LRRC9: variants seen among roughly 807,000 people sequenced by gnomAD.
The protein encoded by LRRC9 is leucine-rich repeat-containing protein 9.
Under a neutral mutation model 63.2 loss-of-function variants are expected in LRRC9, and 122 were observed. The ratio of observed to expected loss-of-function variants is 1.93; its 90% CI spans 1.67 to 2.24. LRRC9 has a LOEUF of 2.24. LRRC9 is among the 30% of genes most tolerant of loss of function. The pLI is 0.00. For synonymous variants in LRRC9, 366 were observed against 213.1 expected (o/e 1.72, Z -6.25); for missense variants, 1,071 against 627.7 (o/e 1.71, Z -7.55).
chr14:59,957,761 A>T (rs150679), intron 8 of LRRC9, among the ~76,000 whole-genome samples: 62,495 of 151,854 alleles, frequency 0.41, 13,384 homozygotes, highest in East Asian at 0.58. Context: ...CCTCATCTTC[A>T]TGGATTTATT....
At chr14:60,023,698 A>G (rs1278163453) in intron 27 of LRRC9, among the ~76,000 whole-genome samples, 1 of 152,084 alleles carries the variant, frequency 6.6e-6, no homozygotes, top group Non-Finnish European at 1.5e-5. Flanking sequence ...CAGAATGTGC[A>G]GGTTTGTTAC....
At chr14:59,957,201 G>A (rs1422017023) in intron 8 of LRRC9, among the ~76,000 whole-genome samples, 2 of 152,112 alleles carry the variant, frequency 1.3e-5, no homozygotes, top group Non-Finnish European at 2.9e-5. Flanking sequence ...AGTTCTCCTG[G>A]ATAATATCCT....
In LRRC9 at chr14:60,031,106, G is replaced by C. The variant is rs946545407; in HGVS notation, c.3922-889G>C. Among the ~76,000 whole-genome samples, 1 of 152,034 alleles carries C rather than the reference G, an allele frequency of 6.6e-6. No individual in the cohort carries two copies. Among genetic ancestry groups the C allele is most frequent in the Non-Finnish European group, 1.5e-5 (1 of 67,940 alleles). ...TTACTGATCAGGCTTTGGTTCCACA[G>C]ATAGAAACTGCTTGTGGGTAAAAAT... On this transcript the variant is annotated intron_variant, in intron 28 of 31. Coordinates refer to ENST00000445360, the Ensembl canonical transcript of LRRC9. This position sits in a 1 kb window ranked among gnomAD's most constrained non-coding sequence, Gnocchi z 4.6.
At chr14:59,960,791 C>A in intron 9 of LRRC9, 123 bp from the exon 10 acceptor site, 1 of 476,934 alleles carries the variant, frequency 2.1e-6, no homozygotes, top group Non-Finnish European at 3.7e-6. Context: ...TAACACCAAG[C>A]TTTCTTTATC....
chr14:59,980,258 C>G lies in LRRC9; in HGVS notation c.1879-1590C>G, dbSNP rs184008972. Among the ~76,000 whole-genome samples, 6 of 152,158 alleles carry G rather than the reference C, an allele frequency of 3.9e-5. No individual in the cohort carries two copies. The East Asian group carries it at 1.2e-3, about 29-fold the overall frequency. Reference sequence around the variant, plus strand: ...ATACTTAGGCATTATCTTTTCTGCTCTATTTCAAAATACAACCTTTATTGT... The same window carrying G: ...ATACTTAGGCATTATCTTTTCTGCTGTATTTCAAAATACAACCTTTATTGT... On this transcript the variant is annotated intron_variant, in intron 15 of 31. Transcript: ENST00000445360.
intron 27 of LRRC9, among the ~76,000 whole-genome samples, chr14:60,026,541 G>A (rs1186465776): frequency 6.6e-6 from 1 of 152,044 alleles, no homozygotes; most frequent in Non-Finnish European, 1.5e-5. Flanking sequence ...TCACTTCGTT[G>A]ATTGTTTCCT....
At chr14:60,055,107 G>T in intron 30 of LRRC9, among the ~76,000 whole-genome samples, 1 of 152,072 alleles carries the variant, frequency 6.6e-6, no homozygotes, top group East Asian at 1.9e-4. Context: ...GACATTTTTT[G>T]ATTAACCAAA....
chr14:59,946,045 T>C (rs545726839), intron 8 of LRRC9, among the ~76,000 whole-genome samples: 53 of 151,896 alleles, frequency 3.5e-4, no homozygotes, highest in African/African-American at 1.3e-3. Context: ...AATCTACTTC[T>C]AGCACTCTAT....
chr14:59,922,736 C>A lies in LRRC9; in HGVS notation c.-34+2853C>A, dbSNP rs1335885712. On this transcript the variant is annotated intron_variant, in intron 1 of 31. Coordinates refer to ENST00000445360, the Ensembl canonical transcript of LRRC9. The surrounding 1 kb of genome is among the most constrained non-coding windows in gnomAD (Gnocchi z 5.3). ...GTGAAAATGGGGTCAAGATCATCTACTGAGAGAGAGACCTTGAAAAGAGTG... is the reference window on the plus strand; with the variant it reads ...GTGAAAATGGGGTCAAGATCATCTAATGAGAGAGAGACCTTGAAAAGAGTG... Among the ~76,000 whole-genome samples, 2 of 152,144 alleles carry A rather than the reference C, an allele frequency of 1.3e-5. No individual in the cohort carries two copies. Among genetic ancestry groups the A allele is most frequent in the Non-Finnish European group, 2.9e-5 (2 of 68,014 alleles).
rs955793095 is a variant in LRRC9, at chr14:60,002,456, T to C, written c.2664+356T>C. 3.3e-5 allele frequency among the ~76,000 whole-genome samples: 5 copies of C among 152,120 alleles called. No homozygotes were observed. In the East Asian group the frequency reaches 9.6e-4, roughly 29 times the overall value. On this transcript the variant is annotated intron_variant, in intron 20 of 31. Coordinates refer to ENST00000445360, the Ensembl canonical transcript of LRRC9. ...TAGCCCCTGGCAACCACTATTCTAC[T>C]CTCTCCTATGAGTTTGACTATTTTA...
At chr14:60,015,033 G>C (rs1890566060) in intron 23 of LRRC9, among the ~76,000 whole-genome samples, 1 of 151,984 alleles carries the variant, frequency 6.6e-6, no homozygotes, top group Non-Finnish European at 1.5e-5. Context: ...TTCAAGTTCA[G>C]TTATTCTTTT....
At chr14:59,988,152 G>T (rs1887675500) in intron 17 of LRRC9, among the ~76,000 whole-genome samples, 1 of 152,140 alleles carries the variant, frequency 6.6e-6, no homozygotes, top group South Asian at 2.1e-4. Flanking sequence ...ATAAAAAGAT[G>T]TTCCATACAC....
In LRRC9 at chr14:59,999,246, T is replaced by C. The variant is rs1261625257; in HGVS notation, c.2529+20T>C. ...ACTCAGGTTGGATTTTACTGTTTACTATTCATTGTGCTATTTAGAACATAC... is the reference window on the plus strand; with the variant it reads ...ACTCAGGTTGGATTTTACTGTTTACCATTCATTGTGCTATTTAGAACATAC... On this transcript the variant is annotated intron_variant, in intron 19 of 31. Coordinates refer to ENST00000445360, the Ensembl canonical transcript of LRRC9. 1 of 695,420 alleles carries C rather than the reference T, an allele frequency of 1.4e-6. No homozygotes were observed. Among genetic ancestry groups the C allele is most frequent in the East Asian group, 2.7e-5 (1 of 37,114 alleles). The allele number at this position is 695,420 out of a possible 1,614,324, so 43.1% of individuals were successfully genotyped here. A position where few individuals can be genotyped will look rare whatever the true frequency, so the allele number is the denominator to read the frequency against.
intron 29 of LRRC9, among the ~76,000 whole-genome samples, chr14:60,041,757 G>A (rs1041998548): frequency 3.3e-5 from 5 of 152,220 alleles, no homozygotes; most frequent in East Asian, 3.8e-4. Flanking sequence ...ACTTGTCAAA[G>A]TCATTCTCCA....
In LRRC9 at chr14:59,919,889, T is replaced by C. The variant is rs1053319285; in HGVS notation, c.-34+6T>C. On this transcript the variant is annotated splice_donor_region_variant and intron_variant, in intron 1 of 31. Coordinates refer to ENST00000445360, the Ensembl canonical transcript of LRRC9. This position sits in a 1 kb window ranked among gnomAD's most constrained non-coding sequence, Gnocchi z 4.5. ...CGTTCCGCGAACTGGCGAAGGTAAG[T>C]GAAAAGATAAGCGCAGGTACAGAAA... The C allele has an allele frequency of 6.6e-6, 1 of 152,216 alleles. No homozygotes were observed. Among genetic ancestry groups the C allele is most frequent in the Admixed American group, 6.5e-5 (1 of 15,280 alleles). The allele number at this position is 152,216 out of a possible 1,614,324, so 9.4% of individuals were successfully genotyped here.
intron 12 of LRRC9, among the ~76,000 whole-genome samples, chr14:59,973,976 C>A (rs1247484123): frequency 1.3e-5 from 2 of 152,078 alleles, no homozygotes; most frequent in Non-Finnish European, 2.9e-5. Context: ...ATCATATAAT[C>A]TCTTTTAGCT....
At chr14:59,974,974 A>G (rs1885958666) in intron 13 of LRRC9, among the ~76,000 whole-genome samples, 1 of 147,120 alleles carries the variant, frequency 6.8e-6, no homozygotes, top group Non-Finnish European at 1.5e-5. Flanking sequence ...TTTCAGGGAC[A>G]TTTTTCACAG....
intron 23 of LRRC9, among the ~76,000 whole-genome samples, chr14:60,012,776 TACTG>T (rs1402435242): frequency 2.0e-5 from 3 of 152,178 alleles, no homozygotes; most frequent in South Asian, 2.1e-4. Flanking sequence ...AAGGCTAAAA[TACTG>T]ACTGACTCTT....
chr14:59,975,711 A>G (rs1160221265), intron 13 of LRRC9, among the ~76,000 whole-genome samples: 1 of 152,242 alleles, frequency 6.6e-6, no homozygotes, highest in Admixed American at 6.5e-5. Flanking sequence ...ATATAAAATC[A>G]TAGTTATCAT....
Sources: gnomAD v4.1 joint callset for allele counts (sites outside exome capture counted in the v4.1 genomes callset) on GRCh38, gnomAD v4.1.1 for gene constraint, Gnocchi (gnomAD v3.1) non-coding constraint, MANE v1.5 for transcripts, NCBI Gene and HGNC (gene_info 2026-07-23, HGNC 2026-07-21) for gene names.